SHBG: variants seen among roughly 807,000 people sequenced by gnomAD.
SHBG encodes sex hormone-binding globulin.
In SHBG, 37 loss-of-function variants were observed where a neutral mutation model predicts 41.9. That is an observed-to-expected ratio of 0.88 (90% CI 0.68 to 1.16). The LOEUF is 1.16. Ranked by LOEUF, SHBG falls within the 50% of genes most tolerant of loss-of-function variation. The pLI is 0.00. For missense variants in SHBG, 466 were observed against 499.9 expected (o/e 0.93, Z 0.65); for synonymous variants, 217 against 205.8 (o/e 1.05, Z -0.47).
rs754172970 is a variant in SHBG at position 7,630,473 on chromosome 17, G to A, written c.169G>A (p.Ala57Thr). 22 of 1,614,096 alleles carry A rather than the reference G, an allele frequency of 1.4e-5. No homozygotes were observed. The highest frequency in any genetic ancestry group is 4.5e-5 in the East Asian group (2 of 44,894). The part of the protein sequence containing the change: ...LSNGPGQEPI[A>T]VMTFDLTKIT... The stretch of plus-strand genomic sequence containing the variant: ...CAATGGCCCAGGACAAGAGCCTATC[G>A]CTGTCATGACCTTTGACCTCACCAA... Residue 57 changes from alanine (A) to threonine (T), a missense_variant, in exon 2 of 8, where the codon GCT (alanine) becomes ACT (threonine). Ala to Thr is a moderately conservative substitution (Grantham distance 58). Coordinates refer to ENST00000380450, the MANE Select transcript of SHBG (RefSeq NM_001040.5). The surrounding 1 kb of genome is among the most constrained non-coding windows in gnomAD (Gnocchi z 4.6).
intron 1 of SHBG, among the ~76,000 whole-genome samples, chr17:7,622,898 G>A (rs1282979329): frequency 7.3e-5 from 11 of 151,530 alleles, no homozygotes; most frequent in African/African-American, 2.2e-4. Flanking sequence ...TTAGCTGGGC[G>A]TGGTGGCAGG....
chr17:7,615,207 C>T (rs980682372), intron 1 of SHBG, among the ~76,000 whole-genome samples: 11 of 152,148 alleles, frequency 7.2e-5, no homozygotes, highest in Non-Finnish European at 1.3e-4. Flanking sequence ...CGCACAGTCA[C>T]ACAGCGCTCA....
chr17:7,618,276 A>G (rs574937720), intron 1 of SHBG, among the ~76,000 whole-genome samples: 2 of 150,368 alleles, frequency 1.3e-5, no homozygotes, highest in East Asian at 4.0e-4. Flanking sequence ...CACTCTCAAT[A>G]TTTTTTTGTT....
At chr17:7,623,676 T>C (rs544056512), upstream of SHBG, among the ~76,000 whole-genome samples, 1 of 152,290 alleles carries the variant, frequency 6.6e-6, no homozygotes, top group East Asian at 1.9e-4. Flanking sequence ...CCCAGGTTAG[T>C]CTTGAACTCT....
chr17:7,628,186 T>C (rs2072285161), upstream of SHBG: 1 of 456,242 alleles, frequency 2.2e-6, no homozygotes, highest in African/African-American at 2.0e-5. Context: ...GAAAGCTGTT[T>C]CCTGCAGCTC....
intron 1 of SHBG, among the ~76,000 whole-genome samples, chr17:7,620,828 A>G (rs1230665488): frequency 1.3e-5 from 2 of 151,574 alleles, no homozygotes; most frequent in East Asian, 1.9e-4. Flanking sequence ...ACAGGGTTTC[A>G]CCATGGTAGT....
chr17:7,626,492 G>T (rs1284203344), upstream of SHBG: 1 of 1,614,030 alleles, frequency 6.2e-7, no homozygotes, highest in East Asian at 2.2e-5. Flanking sequence ...GAAAGCAGAA[G>T]AAGTGCCAGC....
At chr17:7,619,391 A>C (rs1290609020) in intron 1 of SHBG, among the ~76,000 whole-genome samples, 3 of 95,494 alleles carry the variant, frequency 3.1e-5, no homozygotes, top group Non-Finnish European at 5.6e-5. Context: ...ACTCCATCTC[A>C]AAAAAAAAAA....
chr17:7,627,483 G>A (rs2072251681), upstream of SHBG: 3 of 1,605,400 alleles, frequency 1.9e-6, no homozygotes, highest in South Asian at 1.1e-5. This position sits in a 1 kb window ranked among gnomAD's most constrained non-coding sequence, Gnocchi z 4.8. Flanking sequence ...GGTTCCCAAG[G>A]CGAGCCCCTC....
chr17:7,627,075 T>C (rs750157542), upstream of SHBG: 9 of 1,610,950 alleles, frequency 5.6e-6, no homozygotes, highest in South Asian at 9.9e-5. This position sits in a 1 kb window ranked among gnomAD's most constrained non-coding sequence, Gnocchi z 4.8. Context: ...GTAAGGCTTC[T>C]GGAAGCCTGT....
intron 1 of SHBG, among the ~76,000 whole-genome samples, chr17:7,617,698 A>C (rs1397648462): frequency 1.3e-5 from 2 of 152,262 alleles, no homozygotes; most frequent in Non-Finnish European, 2.9e-5. Flanking sequence ...GGGATACAAC[A>C]TCTGAATAAC....
chr17:7,630,535 A>G lies in SHBG; in HGVS notation c.203+28A>G, dbSNP rs747810067. ...ATGGGGTTGGCCTAGCCCTTGACCCAGTCCCCTGGTTCTGCCCTCTCTCCA... is the reference window on the plus strand; with the variant it reads ...ATGGGGTTGGCCTAGCCCTTGACCCGGTCCCCTGGTTCTGCCCTCTCTCCA... On this transcript the variant is annotated intron_variant, in intron 2 of 7. Transcript: ENST00000380450. The surrounding 1 kb of genome is among the most constrained non-coding windows in gnomAD (Gnocchi z 4.6). 7 of 1,599,568 alleles carry G rather than the reference A, an allele frequency of 4.4e-6. No individual in the cohort carries two copies. The Admixed American group carries it at 1.2e-4, about 27-fold the overall frequency.
At chr17:7,618,248 G>A (rs962575800) in intron 1 of SHBG, among the ~76,000 whole-genome samples, 3 of 151,150 alleles carry the variant, frequency 2.0e-5, no homozygotes, top group Admixed American at 6.6e-5. Context: ...TTCCAACCTC[G>A]TTTCCTATAC....
intron 1 of SHBG, among the ~76,000 whole-genome samples, chr17:7,616,639 C>A (rs566896350): frequency 2.2e-4 from 31 of 142,670 alleles, no homozygotes; most frequent in African/African-American, 7.0e-4. Flanking sequence ...ACAACAACAA[C>A]AAATAATAAT....
At chr17:7,614,454 T>C in intron 1 of SHBG, 1 of 1,537,868 alleles carries the variant, frequency 6.5e-7, no homozygotes, top group East Asian at 2.5e-5. Flanking sequence ...CGTCTCACCT[T>C]GTAGAAGGCC....
At chr17:7,627,248 CAA>C (rs766160544), upstream of SHBG, 1 of 1,613,908 alleles carries the variant, frequency 6.2e-7, no homozygotes, top group African/African-American at 1.3e-5. This position sits in a 1 kb window ranked among gnomAD's most constrained non-coding sequence, Gnocchi z 4.8. Flanking sequence ...GGAGTTGTGA[CAA>C]AGAGATAGAG....
At chr17:7,632,347 G>A (rs570657781) in intron 6 of SHBG, among the ~76,000 whole-genome samples, 1 of 152,166 alleles carries the variant, frequency 6.6e-6, no homozygotes, top group African/African-American at 2.4e-5. Flanking sequence ...AGGAGCCTGA[G>A]GCAGGAGGTT....
chr17:7,615,585 G>A (rs1354736452), intron 1 of SHBG, among the ~76,000 whole-genome samples: 1 of 148,304 alleles, frequency 6.7e-6, no homozygotes, highest in African/African-American at 2.5e-5. Flanking sequence ...TGGATCACCT[G>A]AGGTCCTCGG....
At chr17:7,626,073 A>G (rs2072195725), upstream of SHBG, among the ~76,000 whole-genome samples, 1 of 151,640 alleles carries the variant, frequency 6.6e-6, no homozygotes, top group Admixed American at 6.6e-5. Context: ...GCGCACCCGT[A>G]GTCCCAGCTA....
Sources: allele counts gnomAD v4.1 joint callset (sites outside exome capture counted in the v4.1 genomes callset), GRCh38; gene constraint gnomAD v4.1.1; non-coding constraint Gnocchi (gnomAD v3.1); transcripts MANE v1.5; gene names NCBI Gene and HGNC (gene_info 2026-07-23, HGNC 2026-07-21).